The following COL28A1 variants were observed in gnomAD, a reference collection of about 807,000 sequenced individuals.
COL28A1 encodes collagen alpha-1(XXVIII) chain.
In COL28A1, 161 loss-of-function variants were observed where a neutral mutation model predicts 150.2. The observed-to-expected ratio is 1.07, with a 90% CI of 0.94 to 1.22. The LOEUF is 1.22. COL28A1 is among the 50% of genes most tolerant of loss of function. The pLI, the probability that COL28A1 is intolerant of heterozygous loss-of-function variation, is 0.00. For missense variants in COL28A1, 1,617 were observed against 1,388.3 expected (o/e 1.16, Z -2.62); for synonymous variants, 552 against 469.7 (o/e 1.18, Z -2.26).
In COL28A1 at chr7:7,532,816, T is replaced by C. The variant is rs1201574892; in HGVS notation, c.60A>G (p.Thr20=). Residue 20 remains threonine (T), a synonymous_variant, in exon 2 of 35, where the codon ACA becomes ACG. Transcript: ENST00000399429. The stretch of plus-strand genomic sequence containing the variant: ...GTCCTTTCTTTCTTTGTCCGGATAC[T>C]GTTTGACTCGTAAACGCTGACAAAA... ...LLLLSAFTSQ[T]VSGQRKKGPK... 6.2e-7 allele frequency: 1 copy of C among 1,612,934 alleles called. No homozygotes were observed.
intron 16 of COL28A1, among the ~76,000 whole-genome samples, chr7:7,454,337 T>C (rs760270019): frequency 9.2e-5 from 14 of 152,146 alleles, no homozygotes; most frequent in East Asian, 7.7e-4. Flanking sequence ...TTAAAGAACA[T>C]TGAATAACTG....
intron 13 of COL28A1, among the ~76,000 whole-genome samples, chr7:7,487,089 T>C (rs555974617): frequency 6.6e-6 from 1 of 152,310 alleles, no homozygotes; most frequent in South Asian, 2.1e-4. Flanking sequence ...TATAATTGTC[T>C]ACCTGGCGGA....
rs1039121458 is a variant in COL28A1, at chr7:7,416,087, G to A, written c.2136+1772C>T. ...CACAGTGCTGAGATTACAGGCATGA[G>A]CCACTGCACCCGGCCTAGAGAAGTT... On this transcript the variant is annotated intron_variant, in intron 27 of 34. Transcript: ENST00000399429. Among the ~76,000 whole-genome samples, 5 of 152,230 alleles carry A rather than the reference G, an allele frequency of 3.3e-5. No homozygotes were observed. The South Asian group carries it at 1.0e-3, about 31-fold the overall frequency.
chr7:7,387,425 C>A (rs921053739), intron 27 of COL28A1, among the ~76,000 whole-genome samples: 3 of 152,062 alleles, frequency 2.0e-5, no homozygotes, highest in South Asian at 4.2e-4. Flanking sequence ...TAAATGAGTT[C>A]TATAGATTAA....
chr7:7,362,939 T>C (rs1160128792), intron 33 of COL28A1, among the ~76,000 whole-genome samples: 1 of 152,124 alleles, frequency 6.6e-6, no homozygotes, highest in African/African-American at 2.4e-5. Context: ...CAAGTGATCC[T>C]CCACATTGGC....
At chr7:7,435,561 GGA>G (rs1333843172) in intron 23 of COL28A1, among the ~76,000 whole-genome samples, 1 of 152,118 alleles carries the variant, frequency 6.6e-6, no homozygotes, top group Admixed American at 6.5e-5. Flanking sequence ...AATAAAAACA[GGA>G]GAGGCTCAAG....
At chr7:7,514,191 T>C (rs565475391) in intron 8 of COL28A1, among the ~76,000 whole-genome samples, 2 of 152,344 alleles carry the variant, frequency 1.3e-5, no homozygotes, top group South Asian at 4.1e-4. Context: ...GGCCACCCAC[T>C]ATTTTCCTCA....
the COL28A1 span, among the ~76,000 whole-genome samples, chr7:7,340,694 G>A: frequency 4.0e-5 from 6 of 151,784 alleles, no homozygotes; most frequent in African/African-American, 1.5e-4. Context: ...TCTAATCTGT[G>A]TTTTTTATAC....
At chr7:7,387,953 C>T (rs780476771) in intron 27 of COL28A1, among the ~76,000 whole-genome samples, 13 of 152,140 alleles carry the variant, frequency 8.5e-5, no homozygotes, top group South Asian at 2.1e-4. Flanking sequence ...TGTTTGAATT[C>T]AGGAGGCTTC....
rs1042251345 is a variant in COL28A1 at position 7,436,772 on chromosome 7, G to C, written c.1792-309C>G. The stretch of plus-strand genomic sequence containing the variant: ...AATTGAGTGAAGGCCAGGCACAGTG[G>C]CTCACACCTATAATTCCAACACCTT... On this transcript the variant is annotated intron_variant, in intron 22 of 34. Transcript: ENST00000399429. Among the ~76,000 whole-genome samples, 12 of 152,322 alleles carry C rather than the reference G, an allele frequency of 7.9e-5. No homozygotes were observed. In the South Asian group the frequency reaches 2.5e-3, roughly 32 times the overall value.
At chr7:7,388,277 C>A (rs1052007651) in intron 27 of COL28A1, among the ~76,000 whole-genome samples, 3 of 151,802 alleles carry the variant, frequency 2.0e-5, no homozygotes, top group African/African-American at 4.8e-5. Context: ...GTTTCCTGTT[C>A]TTATGTTAGT....
chr7:7,424,868 T>C (rs10085695), intron 25 of COL28A1, among the ~76,000 whole-genome samples: 7,795 of 152,214 alleles, frequency 0.051, 700 homozygotes, highest in African/African-American at 0.18. Flanking sequence ...ACTTAACAAA[T>C]GATTCAGTGA....
chr7:7,526,827 G>A (rs561732386), intron 3 of COL28A1, among the ~76,000 whole-genome samples: 1 of 152,136 alleles, frequency 6.6e-6, no homozygotes, highest in Non-Finnish European at 1.5e-5. Flanking sequence ...TAGAGACAGG[G>A]TTTCATCATG....
the COL28A1 span, among the ~76,000 whole-genome samples, chr7:7,350,483 T>C: frequency 1.3e-5 from 2 of 152,126 alleles, no homozygotes; most frequent in African/African-American, 4.8e-5. Flanking sequence ...CTCACTGTGT[T>C]TGTCAACCTT....
At chr7:7,541,547 G>A in the COL28A1 span, among the ~76,000 whole-genome samples, 1 of 152,166 alleles carries the variant, frequency 6.6e-6, no homozygotes, top group African/African-American at 2.4e-5. Flanking sequence ...TCAGGACTCT[G>A]CATGGGTCTT....
intron 33 of COL28A1, among the ~76,000 whole-genome samples, chr7:7,368,538 T>C (rs891184070): frequency 6.6e-6 from 1 of 152,164 alleles, no homozygotes; most frequent in Non-Finnish European, 1.5e-5. Context: ...AATCATACAT[T>C]GAAACCTGAA....
At position 7,373,846 on chromosome 7, in the gene COL28A1, C is replaced by T. The variant is rs1315128394; in HGVS notation, c.2360-300G>A. On this transcript the variant is annotated intron_variant, in intron 31 of 34. Coordinates refer to ENST00000399429, the MANE Select transcript of COL28A1 (RefSeq NM_001037763.3). The surrounding 1 kb of genome is among the most constrained non-coding windows in gnomAD (Gnocchi z 4.1). ...TCCCGAGTAGCTGGGACTACAGGCG[C>T]CCGCCACCTCGCCTGGCTAATTTTT... 6.6e-6 allele frequency among the ~76,000 whole-genome samples: 1 copy of T among 151,360 alleles called. No homozygotes were observed. Among genetic ancestry groups the T allele is most frequent in the East Asian group, 2.0e-4 (1 of 5,116 alleles).
At chr7:7,464,161 A>T (rs1162685876) in intron 15 of COL28A1, among the ~76,000 whole-genome samples, 1 of 152,230 alleles carries the variant, frequency 6.6e-6, no homozygotes, top group Non-Finnish European at 1.5e-5. Flanking sequence ...TAATTTATAA[A>T]ACAATTACTA....
Position 7,360,499 on chromosome 7 carries a change from A to C in COL28A1, c.3096T>G (p.Asp1032Glu), listed in dbSNP as rs538620473. The change falls in exon 34 of 35, where the codon GAT becomes GAG. Residue 1032 changes from aspartate to glutamate, a missense_variant. Asp to Glu is a conservative substitution (Grantham distance 45, BLOSUM62 2). Coordinates refer to ENST00000399429, the MANE Select transcript of COL28A1 (RefSeq NM_001037763.3). ...SLSVTRDQDE[D>E]DKAPEPTWAD... is the part of the protein sequence containing the mutation. ...CCCACGTTGGCTCTGGAGCCTTATC[A>C]TCTTCATCCTGGTCTCTGGTGACAC... 6.2e-7 allele frequency: 1 copy of C among 1,606,244 alleles called. No homozygotes were observed. Among genetic ancestry groups the C allele is most frequent in the Non-Finnish European group, 8.5e-7 (1 of 1,177,760 alleles).
Sources: gnomAD v4.1 joint callset for allele counts (sites outside exome capture counted in the v4.1 genomes callset) on GRCh38, gnomAD v4.1.1 for gene constraint, Gnocchi (gnomAD v3.1) non-coding constraint, MANE v1.5 for transcripts, NCBI Gene and HGNC (gene_info 2026-07-23, HGNC 2026-07-21) for gene names.